Variants in HECW2 observed in about 807,000 individuals in gnomAD.
HECW2 encodes E3 ubiquitin-protein ligase HECW2.
In HECW2, 61 loss-of-function variants were observed where a neutral mutation model predicts 175.2. The ratio of observed to expected loss-of-function variants is 0.35; its 90% CI spans 0.28 to 0.43. The LOEUF is 0.43. HECW2 is among the 20% of genes least tolerant of loss of function. HECW2 has a pLI of 1.00. For missense variants in HECW2, 1,524 were observed against 2,000.5 expected, an observed-to-expected ratio of 0.76 and a Z score of 4.54; for synonymous variants, 671 against 731.0, an observed-to-expected ratio of 0.92 and a Z score of 1.32.
rs377211929 is a variant in HECW2, at chr2:196,414,667, T to C, written c.292+18465A>G. On this transcript the variant is annotated intron_variant, in intron 2 of 28. Transcript: ENST00000644978. Reference sequence around the variant, plus strand: ...CCTCTTTCTGCCAGGGTCTTCCATCTGGCCTCTGAGGCCCCTGGGTAACAT... The same window carrying C: ...CCTCTTTCTGCCAGGGTCTTCCATCCGGCCTCTGAGGCCCCTGGGTAACAT... Among the ~76,000 whole-genome samples, 416 of 152,314 alleles carry C rather than the reference T, an allele frequency of 2.7e-3. 2 individuals carry two copies. The highest frequency in any genetic ancestry group is 9.8e-3 in the African/African-American group (406 of 41,572).
intron 2 of HECW2, among the ~76,000 whole-genome samples, chr2:196,414,263 G>A (rs1695194275): frequency 6.6e-6 from 1 of 152,150 alleles, no homozygotes; most frequent in African/African-American, 2.4e-5. Flanking sequence ...CAACAGCACT[G>A]TTTTGTATCC....
intron 1 of HECW2, among the ~76,000 whole-genome samples, chr2:196,540,633 C>CG (rs1259808406): frequency 6.6e-6 from 1 of 151,946 alleles, no homozygotes; most frequent in Non-Finnish European, 1.5e-5. Flanking sequence ...TTTGTAAAGA[C>CG]GGGGTCTCGC....
rs898073563 is a variant in HECW2, at chr2:196,319,644, G to T, written c.1246C>A (p.Leu416Ile). ...TCGATAGCATCTAAGTAATCATTGAGTGAATCCTGACGTCCTCTGGGAGGT... is the reference window on the plus strand; with the variant it reads ...TCGATAGCATCTAAGTAATCATTGATTGAATCCTGACGTCCTCTGGGAGGT... ...TSPPRGRQDS[L>I]NDYLDAIEHN... Residue 416 changes from leucine (L) to isoleucine (I), a missense_variant, in exon 9 of 29, where the codon CTC becomes ATC. Around this residue, in one of 11 missense-constraint regions of HECW2, gnomAD observed 604 missense variants for 588.3 expected, o/e 1.03. Transcript: ENST00000644978. 1 of 1,614,250 alleles carries T rather than the reference G, an allele frequency of 6.2e-7. No individual in the cohort carries two copies. The highest frequency in any genetic ancestry group is 1.3e-5 in the African/African-American group (1 of 75,072).
chr2:196,362,351 A>G (rs1419285559), intron 2 of HECW2: 1 of 160,306 alleles, frequency 6.2e-6, no homozygotes, highest in African/African-American at 2.4e-5. Flanking sequence ...ACACACACAC[A>G]CACACACACA....
rs181095100 is a variant in HECW2 at position 196,372,070 on chromosome 2, T to C, written c.293-28306A>G. ...TCAGTGACGAATGCTATCATTGTAT[T>C]AATATCTGTACCCTATCTGTGCATT... On this transcript the variant is annotated intron_variant, in intron 2 of 28. Transcript: ENST00000644978. Among the ~76,000 whole-genome samples, 4 of 152,340 alleles carry C rather than the reference T, an allele frequency of 2.6e-5. No homozygotes were observed. In the East Asian group the frequency reaches 7.7e-4, roughly 29 times the overall value.
At chr2:196,329,434 T>A in intron 5 of HECW2, 141 bp downstream of exon 5, 1 of 569,516 alleles carries the variant, frequency 1.8e-6, no homozygotes, top group Admixed American at 2.9e-5. Context: ...GAGATATACT[T>A]GAATTTTCAG....
At chr2:196,433,091 T>A (rs1350071014) in intron 2 of HECW2, 41 bp downstream of exon 2, 1 of 1,533,754 alleles carries the variant, frequency 6.5e-7, no homozygotes, top group Non-Finnish European at 8.8e-7. Context: ...TAAAAACTTG[T>A]ATGCTCTGAG....
intron 2 of HECW2, among the ~76,000 whole-genome samples, chr2:196,414,467 G>A (rs1695199176): frequency 6.6e-6 from 1 of 152,232 alleles, no homozygotes; most frequent in Non-Finnish European, 1.5e-5. Flanking sequence ...AGGGCTGATT[G>A]AGCTGGTATC....
intron 2 of HECW2, among the ~76,000 whole-genome samples, chr2:196,400,467 A>C (rs918019368): frequency 2.6e-5 from 4 of 152,222 alleles, no homozygotes; most frequent in African/African-American, 9.6e-5. Flanking sequence ...CTTTGACTGA[A>C]ACAGGATAGC....
chr2:196,460,648 C>T (rs1030883006), intron 1 of HECW2, among the ~76,000 whole-genome samples: 8 of 152,060 alleles, frequency 5.3e-5, no homozygotes, highest in African/African-American at 1.9e-4. Flanking sequence ...CTTGGTCTGT[C>T]ACCCAGGCTG....
At chr2:196,343,631 T>C in intron 3 of HECW2, 26 bp downstream of exon 3, 1 of 1,405,220 alleles carries the variant, frequency 7.1e-7, no homozygotes, top group Non-Finnish European at 1.0e-6. Context: ...CAATAATAAG[T>C]TTATATTTCA....
At chr2:196,461,759 C>T (rs1447484983) in intron 1 of HECW2, among the ~76,000 whole-genome samples, 1 of 152,200 alleles carries the variant, frequency 6.6e-6, no homozygotes, top group Admixed American at 6.5e-5. Flanking sequence ...CATCAGATCT[C>T]GTGAGAACCC....
In HECW2 at chr2:196,572,707, T is replaced by A. The variant is rs1212241336; in HGVS notation, c.-36+20801A>T. Among the ~76,000 whole-genome samples the A allele has an allele frequency of 2.6e-5, 4 of 152,270 alleles. No homozygotes were observed. The East Asian group carries it at 7.7e-4, about 29-fold the overall frequency. ...GTGGAGACTTTGGGAGGTAATTAGG[T>A]CACAAGGGTAGAGCCTTCATGACTG... On this transcript the variant is annotated intron_variant, in intron 1 of 28. Transcript: ENST00000644978.
chr2:196,558,907 T>C (rs189923131), intron 1 of HECW2, among the ~76,000 whole-genome samples: 2 of 152,342 alleles, frequency 1.3e-5, no homozygotes, highest in East Asian at 1.9e-4. Flanking sequence ...TTGTTTAATA[T>C]ACCAAATGGA....
At chr2:196,530,401 C>T (rs1396850792) in intron 1 of HECW2, among the ~76,000 whole-genome samples, 2 of 152,180 alleles carry the variant, frequency 1.3e-5, no homozygotes. Flanking sequence ...TTATGCCTAA[C>T]AGATAACCAT....
chr2:196,343,880 A>T (rs561645172), intron 2 of HECW2, 116 bp from the exon 3 acceptor site: 32 of 704,440 alleles, frequency 4.5e-5, no homozygotes, highest in African/African-American at 3.4e-4. Context: ...AATATAATGC[A>T]CATTATTCTT....
rs778348590 is a variant in HECW2 at position 196,273,049 on chromosome 2, A to ATTTTTTTTTTTTT, written c.3238+959_3238+971dup. 4.8e-4 allele frequency among the ~76,000 whole-genome samples: 54 copies of ATTTTTTTTTTTTT among 113,086 alleles called. 1 individual carries two copies. The highest frequency in any genetic ancestry group is 1.7e-3 in the African/African-American group (43 of 25,984). 74.2% of individuals were successfully genotyped at this position (113,086 alleles called of 152,430 possible). Reference sequence around the variant, plus strand: ...CAAAGATAAATGGAGAGCTGGTCTAATTTTTTTTTTTTTTTTTTTTTTTTT... The same window carrying ATTTTTTTTTTTTT: ...CAAAGATAAATGGAGAGCTGGTCTAATTTTTTTTTTTTTTTTTTTTTTTTTTTTTTTTTTTTTT... On this transcript the variant is annotated intron_variant, in intron 16 of 28. Coordinates refer to ENST00000644978, the MANE Select transcript of HECW2 (RefSeq NM_001348768.2).
intron 2 of HECW2, among the ~76,000 whole-genome samples, chr2:196,413,604 C>T (rs1315445160): frequency 6.6e-6 from 1 of 152,130 alleles, no homozygotes; most frequent in Non-Finnish European, 1.5e-5. Context: ...CTTGGCCTCC[C>T]AAAGTGCTGG....
At chr2:196,523,673 T>C (rs1475725960) in intron 1 of HECW2, among the ~76,000 whole-genome samples, 3 of 150,820 alleles carry the variant, frequency 2.0e-5, no homozygotes, top group East Asian at 3.9e-4. Flanking sequence ...TTATTGAGAG[T>C]TTTTAGCATG....
Sources: allele counts gnomAD v4.1 joint callset (sites outside exome capture counted in the v4.1 genomes callset), GRCh38; gene constraint gnomAD v4.1.1; regional missense constraint gnomAD v4.1.1; transcripts MANE v1.5; gene names NCBI Gene and HGNC (gene_info 2026-07-23, HGNC 2026-07-21).